The following PIK3R1 variants were observed in gnomAD, a reference collection of about 807,000 sequenced individuals.
PIK3R1 encodes the protein phosphoinositide-3-kinase regulatory subunit 1.
In PIK3R1, 29 loss-of-function variants were observed where a neutral mutation model predicts 98.0. The observed-to-expected ratio is 0.30, with a 90% CI of 0.22 to 0.40. The LOEUF (loss-of-function observed/expected upper bound fraction) is 0.40. Among genes scored for constraint, PIK3R1 ranks in the 10% least tolerant of loss-of-function variants. The probability of loss-of-function intolerance (pLI) is 1.00; values close to 1 mark genes in which losing one functional copy is unlikely to be tolerated. For synonymous variants in PIK3R1, 282 were observed against 311.8 expected, an observed-to-expected ratio of 0.90 and a Z score of 1.01; for missense variants, 596 against 872.7, an observed-to-expected ratio of 0.68 and a Z score of 3.99.
At chr5:68,218,878 A>G (rs1467216112) in intron 1 of PIK3R1, among the ~76,000 whole-genome samples, 2 of 152,232 alleles carry the variant, frequency 1.3e-5, no homozygotes, top group Non-Finnish European at 1.5e-5. Flanking sequence ...AATATAAATT[A>G]TATCACAGCT....
chr5:68,252,372 C>A (rs79040366), intron 2 of PIK3R1, among the ~76,000 whole-genome samples: 131 of 146,734 alleles, frequency 8.9e-4, no homozygotes, highest in African/African-American at 6.3e-4. Flanking sequence ...ACTGAATTTA[C>A]AAAAAAAAAA....
chr5:68,282,382 G>A (rs991516137), intron 7 of PIK3R1, among the ~76,000 whole-genome samples: 1 of 152,118 alleles, frequency 6.6e-6, no homozygotes, highest in Admixed American at 6.6e-5. Context: ...TTAGAGACTA[G>A]GTAGAGCTGG....
chr5:68,238,462 A>G (rs1389637795), intron 2 of PIK3R1, among the ~76,000 whole-genome samples: 1 of 152,214 alleles, frequency 6.6e-6, no homozygotes, highest in Non-Finnish European at 1.5e-5. Context: ...TCCACTTAGT[A>G]TTATGATTTA....
In PIK3R1 at chr5:68,299,990, T is replaced by A. The variant is rs1422311498; in HGVS notation, c.*2389T>A. 1.7e-5 allele frequency: 4 copies of A among 233,124 alleles called. No individual in the cohort carries two copies. Among genetic ancestry groups the A allele is most frequent in the African/African-American group, 8.8e-5 (4 of 45,360 alleles). 14.4% of individuals were successfully genotyped at this position (233,124 alleles called of 1,614,324 possible). On this transcript the variant is annotated 3_prime_UTR_variant, in exon 16 of 16. Transcript: ENST00000521381. Reference sequence around the variant, plus strand: ...TCTAACAGTTAATTAGTTAACAGTTTTTAAACTAGGTTTGTGGGTATTTTT... The same window carrying A: ...TCTAACAGTTAATTAGTTAACAGTTATTAAACTAGGTTTGTGGGTATTTTT...
intron 7 of PIK3R1, among the ~76,000 whole-genome samples, chr5:68,289,028 ACCTGTCTC>A (rs909583908): frequency 3.9e-5 from 6 of 151,998 alleles, no homozygotes; most frequent in Admixed American, 3.3e-4. Context: ...TGGGAAAATC[ACCTGTCTC>A]CCTGCCTTCT....
At chr5:68,292,710 C>CT in intron 8 of PIK3R1, 3 of 1,271,260 alleles carry the variant, frequency 2.4e-6, no homozygotes, top group Non-Finnish European at 3.0e-6. Context: ...TTTATGTTAG[C>CT]TTTGGGAAGG....
chr5:68,288,361 A>C, intron 7 of PIK3R1: 1 of 1,033,530 alleles, frequency 9.7e-7, no homozygotes, highest in Non-Finnish European at 1.2e-6. Context: ...TTAATCATGA[A>C]GCTGCGATCT....
intron 2 of PIK3R1, among the ~76,000 whole-genome samples, chr5:68,265,028 C>T (rs1275065692): frequency 6.6e-6 from 1 of 152,186 alleles, no homozygotes; most frequent in African/African-American, 2.4e-5. Flanking sequence ...GGGATTCTGT[C>T]TCCCACAATG....
intron 14 of PIK3R1, 152 bp downstream of exon 14, chr5:68,295,640 ATTTT>A: frequency 3.0e-6 from 2 of 672,580 alleles, no homozygotes; most frequent in Admixed American, 5.5e-5. Context: ...ATTATCCAGA[ATTTT>A]AAAAAAAGAA....
At chr5:68,292,839 A>C (rs1747468260) in intron 8 of PIK3R1, 1 of 873,494 alleles carries the variant, frequency 1.1e-6, no homozygotes, top group Non-Finnish European at 1.6e-6. Flanking sequence ...CCAATAGTGA[A>C]AGTGATATGC....
intron 2 of PIK3R1, among the ~76,000 whole-genome samples, chr5:68,237,855 C>A (rs1446965543): frequency 6.6e-6 from 1 of 152,210 alleles, no homozygotes; most frequent in East Asian, 1.9e-4. Flanking sequence ...AGACCCATCT[C>A]TTCCCTAACT....
intron 2 of PIK3R1, among the ~76,000 whole-genome samples, chr5:68,272,673 G>A (rs367793211): frequency 6.6e-6 from 1 of 152,072 alleles, no homozygotes; most frequent in Non-Finnish European, 1.5e-5. Flanking sequence ...AAAAGTTTAC[G>A]AAAACACCAC....
chr5:68,293,601 GTAATTACA>G, intron 10 of PIK3R1, 100 bp from the exon 11 acceptor site: 1 of 1,158,534 alleles, frequency 8.6e-7, no homozygotes. Context: ...CTTGACACTC[GTAATTACA>G]TAATTGCAAT....
chr5:68,255,069 G>A (rs1208756858), intron 2 of PIK3R1, among the ~76,000 whole-genome samples: 1 of 152,184 alleles, frequency 6.6e-6, no homozygotes, highest in Non-Finnish European at 1.5e-5. Context: ...AATCTGGAAT[G>A]GCCTGGAACA....
Position 68,298,760 on chromosome 5 carries a change from T to C in PIK3R1, c.*1159T>C, listed in dbSNP as rs1561303709. ...AAAAAAAAGAAATGAAAAAGATATATGAATATGACAAAGTATTGCTGAGTC... is the reference window on the plus strand; with the variant it reads ...AAAAAAAAGAAATGAAAAAGATATACGAATATGACAAAGTATTGCTGAGTC... On this transcript the variant is annotated 3_prime_UTR_variant, in exon 16 of 16. Transcript: ENST00000521381. 1 of 233,328 alleles carries C rather than the reference T, an allele frequency of 4.3e-6. No individual in the cohort carries two copies. The highest frequency in any genetic ancestry group is 8.5e-6 in the Non-Finnish European group (1 of 117,938). The allele number at this position is 233,328 out of a possible 1,614,324, so 14.5% of individuals were successfully genotyped here. A position where few individuals can be genotyped will look rare whatever the true frequency, so the allele number is the denominator to read the frequency against.
At chr5:68,226,228 C>T (rs1268572900) in intron 1 of PIK3R1, 62 bp from the exon 2 acceptor site, 3 of 396,988 alleles carry the variant, frequency 7.6e-6, no homozygotes, top group Non-Finnish European at 1.3e-5. Context: ...AGTAGAAATT[C>T]CAATTAACAC....
chr5:68,219,408 G>A lies in PIK3R1; in HGVS notation c.-387+3459G>A, dbSNP rs531462159. ...AGTGTAGTGAGTTAATAAAGCCAAG[G>A]CATCTGGACCAGCCATTCCTTGCCT... On this transcript the variant is annotated intron_variant, in intron 1 of 15. Transcript: ENST00000521381. Among the ~76,000 whole-genome samples the A allele has an allele frequency of 6.6e-5, 10 of 152,316 alleles. 1 individual carries two copies. The South Asian group carries it at 2.1e-3, about 32-fold the overall frequency.
rs368531357 is a variant in PIK3R1, at chr5:68,273,123, G to A, written c.335-267G>A. On this transcript the variant is annotated intron_variant, in intron 2 of 15. Transcript: ENST00000521381. ...CCTTTGGGGCCCAGGGGTGTACCTA[G>A]ACAGGGGGGTTTGTCCTGGGGAGGG... is the stretch of plus-strand genomic sequence containing the variant. Among the ~76,000 whole-genome samples the A allele has an allele frequency of 2.8e-4, 43 of 152,218 alleles. No homozygotes were observed. The South Asian group carries it at 8.5e-3, about 30-fold the overall frequency.
intron 7 of PIK3R1, among the ~76,000 whole-genome samples, chr5:68,290,403 G>A (rs956515960): frequency 1.1e-4 from 17 of 152,204 alleles, no homozygotes; most frequent in Non-Finnish European, 2.5e-4. Flanking sequence ...ATGCTGCAAG[G>A]AGTAATAAAC....
Sources: allele counts gnomAD v4.1 joint callset (sites outside exome capture counted in the v4.1 genomes callset), GRCh38; gene constraint gnomAD v4.1.1; transcripts MANE v1.5; gene names NCBI Gene and HGNC (gene_info 2026-07-23, HGNC 2026-07-21).